The following BRI3BP variants were observed in gnomAD, a reference collection of about 807,000 sequenced individuals.
BRI3BP encodes the protein BRI3-binding protein.
A neutral mutation model predicts 15.8 loss-of-function variants in BRI3BP; 7 were observed. That is an observed-to-expected ratio of 0.44 (90% CI 0.25 to 0.83). The LOEUF is 0.83. BRI3BP is among the 40% of genes least tolerant of loss of function. The pLI is 0.20. For synonymous variants in BRI3BP, 192 were observed against 163.5 expected (o/e 1.17, Z -1.33); for missense variants, 320 against 339.3 (o/e 0.94, Z 0.45).
chr12:125,041,323 T>C, the BRI3BP span, among the ~76,000 whole-genome samples: 1 of 152,108 alleles, frequency 6.6e-6, no homozygotes, highest in Non-Finnish European at 1.5e-5. Flanking sequence ...CCCAAAGTGC[T>C]GGGATTACAG....
chr12:125,041,993 C>T, the BRI3BP span, among the ~76,000 whole-genome samples: 2 of 152,104 alleles, frequency 1.3e-5, no homozygotes, highest in Admixed American at 6.5e-5. Context: ...CACATCCGGC[C>T]CTTTTGCGTA....
intron 1 of BRI3BP, among the ~76,000 whole-genome samples, chr12:125,006,355 C>A (rs1345030908): frequency 6.6e-6 from 1 of 152,208 alleles, no homozygotes. Context: ...AATGGTTCAA[C>A]GGCAAGAGAT....
chr12:125,044,973 C>T, the BRI3BP span, among the ~76,000 whole-genome samples: 2 of 152,218 alleles, frequency 1.3e-5, no homozygotes, highest in Non-Finnish European at 2.9e-5. Context: ...GTCATCCTAG[C>T]CATTCATCCT....
intron 2 of BRI3BP, among the ~76,000 whole-genome samples, chr12:125,014,629 C>T (rs545825058): frequency 1.6e-4 from 24 of 152,258 alleles, no homozygotes; most frequent in Non-Finnish European, 2.5e-4. Flanking sequence ...TGTAGTCACC[C>T]TCTGCTTGAC....
chr12:125,050,464 G>A, the BRI3BP span, among the ~76,000 whole-genome samples: 2 of 152,272 alleles, frequency 1.3e-5, no homozygotes, highest in South Asian at 4.1e-4. Context: ...AAGGCTTAAA[G>A]TGCCCAAAAT....
downstream of BRI3BP, among the ~76,000 whole-genome samples, chr12:125,034,952 C>G (rs564385772): frequency 7.2e-4 from 109 of 152,190 alleles, 1 homozygote; most frequent in African/African-American, 2.5e-3. Context: ...CCCATGCCCA[C>G]CCCCCAGCTT....
At chr12:124,998,599 G>A (rs1955059055) in intron 1 of BRI3BP, among the ~76,000 whole-genome samples, 1 of 152,166 alleles carries the variant, frequency 6.6e-6, no homozygotes, top group South Asian at 2.1e-4. Flanking sequence ...GGTTGCCAGG[G>A]GCTGGGGGAG....
intron 1 of BRI3BP, among the ~76,000 whole-genome samples, chr12:124,999,916 A>G (rs10846797): frequency 0.81 from 19,153 of 23,574 alleles, 7,454 homozygotes; most frequent in East Asian, 0.99. Context: ...CACCCGACCC[A>G]GCCTCATTAA....
Position 124,994,022 on chromosome 12 carries a change from C to T in BRI3BP, c.213+19C>T. 7.6e-7 allele frequency: 1 copy of T among 1,309,482 alleles called. No individual in the cohort carries two copies. Among genetic ancestry groups the T allele is most frequent in the Non-Finnish European group, 9.8e-7 (1 of 1,015,796 alleles). 81.1% of individuals were successfully genotyped at this position (1,309,482 alleles called of 1,614,324 possible). ...TCAGAAGGTGGGCGCCGGGCCCGCG[C>T]CCGCGGTCACCTTGCCCCGGTCGCC... is the stretch of plus-strand genomic sequence containing the variant. On this transcript the variant is annotated intron_variant, in intron 1 of 2. Transcript: ENST00000341446.
At chr12:125,023,916 C>A (rs1955322767) in intron 2 of BRI3BP, among the ~76,000 whole-genome samples, 1 of 152,096 alleles carries the variant, frequency 6.6e-6, no homozygotes, top group Non-Finnish European at 1.5e-5. Context: ...ACTAAAAATA[C>A]AAAAATCAGC....
chr12:125,009,913 C>T (rs1955182909), intron 1 of BRI3BP, among the ~76,000 whole-genome samples: 1 of 152,062 alleles, frequency 6.6e-6, no homozygotes, highest in African/African-American at 2.4e-5. Context: ...ACCAGCCTGG[C>T]CAGCATGGTG....
chr12:125,003,968 C>T (rs1434960508), intron 1 of BRI3BP, among the ~76,000 whole-genome samples: 3 of 57,354 alleles, frequency 5.2e-5, no homozygotes, highest in Non-Finnish European at 1.0e-4. Flanking sequence ...CACACACACA[C>T]ACACACACAC....
intron 1 of BRI3BP, among the ~76,000 whole-genome samples, chr12:125,012,268 G>A (rs1029536043): frequency 1.3e-5 from 2 of 152,176 alleles, no homozygotes; most frequent in Non-Finnish European, 2.9e-5. Flanking sequence ...GCGGCGTAAC[G>A]CGGCCCTGCA....
downstream of BRI3BP, among the ~76,000 whole-genome samples, chr12:125,034,943 C>G (rs1390256506): frequency 3.9e-5 from 6 of 152,118 alleles, no homozygotes; most frequent in Admixed American, 2.0e-4. Context: ...ATGTGTCTCC[C>G]CATGCCCACC....
At chr12:125,012,800 A>G (rs1379546048) in intron 2 of BRI3BP, among the ~76,000 whole-genome samples, 164 bp downstream of exon 2, 1 of 152,166 alleles carries the variant, frequency 6.6e-6, no homozygotes, top group Non-Finnish European at 1.5e-5. Context: ...TATATAGGCC[A>G]GGCATGGTGG....
chr12:125,008,972 T>A (rs1044978969), intron 1 of BRI3BP, among the ~76,000 whole-genome samples: 7 of 148,452 alleles, frequency 4.7e-5, no homozygotes, highest in Admixed American at 4.1e-4. Context: ...TTCACACTCC[T>A]ATGAAAATTT....
chr12:124,999,300 C>T (rs182154573), intron 1 of BRI3BP, among the ~76,000 whole-genome samples: 29 of 152,234 alleles, frequency 1.9e-4, no homozygotes, highest in Middle Eastern at 3.4e-3. Flanking sequence ...CACTACCGAC[C>T]CGTCTACCAC....
the BRI3BP span, among the ~76,000 whole-genome samples, chr12:125,049,226 C>T: frequency 7.7e-4 from 117 of 152,220 alleles, no homozygotes; most frequent in African/African-American, 2.6e-3. Flanking sequence ...GCCAAGAGAG[C>T]CCAGATTTAA....
At chr12:125,001,931 A>G (rs929272597) in intron 1 of BRI3BP, among the ~76,000 whole-genome samples, 6 of 152,078 alleles carry the variant, frequency 3.9e-5, no homozygotes, top group Non-Finnish European at 7.4e-5. Flanking sequence ...GCAACTGCCA[A>G]TCTGCTTTCT....
Sources: allele counts gnomAD v4.1 joint callset (sites outside exome capture counted in the v4.1 genomes callset), GRCh38; gene constraint gnomAD v4.1.1; transcripts MANE v1.5; gene names NCBI Gene and HGNC (gene_info 2026-07-23, HGNC 2026-07-21).